Variants in CDK12 observed in about 807,000 individuals in gnomAD.
CDK12 encodes cyclin dependent kinase 12, also known as cyclin-dependent kinase 12.
A neutral mutation model predicts 133.8 loss-of-function variants in CDK12; 17 were observed. The ratio of observed to expected loss-of-function variants is 0.13; its 90% CI spans 0.09 to 0.19. The LOEUF (loss-of-function observed/expected upper bound fraction) is 0.19. CDK12 is among the 10% of genes least tolerant of loss of function. CDK12 has a pLI of 1.00. For synonymous variants in CDK12, 694 were observed against 683.6 expected (o/e 1.02, Z -0.24); for missense variants, 1,508 against 1,818.7 (o/e 0.83, Z 3.11).
chr17:39,530,400 C>T (rs1442665292), intron 13 of CDK12: 1 of 596,990 alleles, frequency 1.7e-6, no homozygotes, highest in Non-Finnish European at 2.7e-6. Flanking sequence ...TATTTTTACA[C>T]TAGCTGTTAG....
intron 3 of CDK12, among the ~76,000 whole-genome samples, chr17:39,491,524 C>T (rs1247844111): frequency 6.6e-6 from 1 of 152,124 alleles, no homozygotes; most frequent in African/African-American, 2.4e-5. Flanking sequence ...GCGTGAGCCA[C>T]CGCGTCCGGC....
Position 39,461,853 on chromosome 17 carries a change from G to A in CDK12, c.-219G>A. On this transcript the variant is annotated 5_prime_UTR_variant, in exon 1 of 14. Coordinates refer to ENST00000447079, the MANE Select transcript of CDK12 (RefSeq NM_016507.4). ...GTTGTCTCGCAACTCCACTGCCGAGGAACTCTCATTTCTTCCCTCGCTCCT... is the reference window on the plus strand; with the variant it reads ...GTTGTCTCGCAACTCCACTGCCGAGAAACTCTCATTTCTTCCCTCGCTCCT... 1 of 581,188 alleles carries A rather than the reference G, an allele frequency of 1.7e-6. No individual in the cohort carries two copies. The highest frequency in any genetic ancestry group is 3.1e-6 in the Non-Finnish European group (1 of 325,404). The allele number at this position is 581,188 out of a possible 1,614,324, so 36.0% of individuals were successfully genotyped here.
chr17:39,472,796 C>T (rs759091518), intron 2 of CDK12, among the ~76,000 whole-genome samples: 2 of 152,038 alleles, frequency 1.3e-5, no homozygotes, highest in Non-Finnish European at 2.9e-5. Flanking sequence ...ATGCTATCGG[C>T]CAGGCGCGGT....
At position 39,530,715 on chromosome 17, in the gene CDK12, A is replaced by G. The variant is rs746850929; in HGVS notation, c.3872A>G (p.Gln1291Arg). Residue 1291 changes from glutamine (Q) to arginine (R), a missense_variant, in exon 14 of 14, where the codon CAG (glutamine) becomes CGG (arginine). Transcript: ENST00000447079. ...LVEGDLSSAP[Q>R]ELNPAVTAAL... is the part of the protein sequence containing the mutation. ...GAAGGCGATCTTTCCAGCGCCCCCC[A>G]GGAGTTGAACCCAGCCGTGACAGCC... 1.1e-5 allele frequency: 17 copies of G among 1,508,450 alleles called. No individual in the cohort carries two copies. In the Admixed American group the frequency reaches 1.4e-4, roughly 13 times the overall value. The allele number at this position is 1,508,450 out of a possible 1,614,324, so 93.4% of individuals were successfully genotyped here.
At chr17:39,486,940 A>G (rs1183327027) in intron 2 of CDK12, among the ~76,000 whole-genome samples, 1 of 152,142 alleles carries the variant, frequency 6.6e-6, no homozygotes, top group Non-Finnish European at 1.5e-5. Context: ...CCCAGGAGGC[A>G]GAGGTTGCAG....
intron 10 of CDK12, among the ~76,000 whole-genome samples, chr17:39,518,343 T>A (rs2053942402): frequency 6.6e-6 from 1 of 151,328 alleles, no homozygotes; most frequent in African/African-American, 2.4e-5. Context: ...TTTTTTTTTT[T>A]CCGTGTAGAG....
At chr17:39,480,478 G>T (rs1286589855) in intron 2 of CDK12, among the ~76,000 whole-genome samples, 1 of 151,794 alleles carries the variant, frequency 6.6e-6, no homozygotes. Context: ...AGTTTTGCTA[G>T]TTGCCCAGGC....
intron 2 of CDK12, among the ~76,000 whole-genome samples, chr17:39,473,312 G>A (rs956551766): frequency 6.6e-6 from 1 of 152,092 alleles, no homozygotes; most frequent in African/African-American, 2.4e-5. Context: ...AGAATAATAT[G>A]TAAAGTATTT....
At position 39,492,852 on chromosome 17, in the gene CDK12, C is replaced by T. The variant is rs570432132; in HGVS notation, c.2210C>T (p.Thr737Ile). The T allele has an allele frequency of 6.2e-7, 1 of 1,613,246 alleles. No homozygotes were observed. The highest frequency in any genetic ancestry group is 8.5e-7 in the Non-Finnish European group (1 of 1,179,530). Residue 737 changes from threonine (T) to isoleucine (I), a missense_variant, in exon 4 of 14, where the codon ACC becomes ATC. This residue lies in a region of CDK12 where 74 missense variants were observed against 160.2 expected (regional missense o/e 0.46). Transcript: ENST00000447079. Reference protein sequence around the residue: ...FDIIGIIGEGTYGQVYKAKDK... With the variant: ...FDIIGIIGEGIYGQVYKAKDK... ...ATTATTGGGATTATTGGAGAAGGAACCTATGGCCAAGTATATAAAGCCAAG... is the reference window on the plus strand; with the variant it reads ...ATTATTGGGATTATTGGAGAAGGAATCTATGGCCAAGTATATAAAGCCAAG...
rs879840168 is a variant in CDK12 at position 39,476,711 on chromosome 17, C to CTTTTTTTTTTTTTTTTTTTTTTTTT, written c.1931+4953_1931+4977dup. Among the ~76,000 whole-genome samples the CTTTTTTTTTTTTTTTTTTTTTTTTT allele has an allele frequency of 2.4e-4, 20 of 84,524 alleles. 1 individual carries two copies. Among genetic ancestry groups the CTTTTTTTTTTTTTTTTTTTTTTTTT allele is most frequent in the Admixed American group, 4.9e-4 (3 of 6,120 alleles). The allele number at this position is 84,524 out of a possible 152,430, so 55.5% of individuals were successfully genotyped here. A position where few individuals can be genotyped will look rare whatever the true frequency, so the allele number is the denominator to read the frequency against. ...TACAGGCATGAGCCACCATGCCTGC[C>CTTTTTTTTTTTTTTTTTTTTTTTTT]TTTTTTTTTTTTTTTTTTTTTTTTT... On this transcript the variant is annotated intron_variant, in intron 2 of 13. Coordinates refer to ENST00000447079, the MANE Select transcript of CDK12 (RefSeq NM_016507.4).
chr17:39,494,422 T>C, intron 4 of CDK12, 102 bp from the exon 5 acceptor site: 1 of 915,154 alleles, frequency 1.1e-6, no homozygotes, highest in Non-Finnish European at 1.7e-6. Context: ...AGCATTAAAG[T>C]AAGCACTAAG....
At chr17:39,507,517 G>A (rs1043594022) in intron 6 of CDK12, among the ~76,000 whole-genome samples, 4 of 151,488 alleles carry the variant, frequency 2.6e-5, no homozygotes, top group African/African-American at 4.9e-5. Context: ...TAGCGCCATC[G>A]CACTCCAGCC....
chr17:39,472,707 G>A (rs2049885594), intron 2 of CDK12, among the ~76,000 whole-genome samples: 1 of 151,996 alleles, frequency 6.6e-6, no homozygotes, highest in Non-Finnish European at 1.5e-5. Flanking sequence ...TAATAATAAC[G>A]TTCTATATAA....
intron 2 of CDK12, among the ~76,000 whole-genome samples, chr17:39,553,271 C>T (rs189040232): frequency 3.7e-4 from 56 of 152,098 alleles, no homozygotes; most frequent in Admixed American, 1.3e-3. Context: ...ATCTTGACAC[C>T]TTGGAGTTTG....
intron 6 of CDK12, among the ~76,000 whole-genome samples, chr17:39,501,728 G>A (rs2052729953): frequency 6.6e-6 from 1 of 152,018 alleles, no homozygotes; most frequent in African/African-American, 2.4e-5. Context: ...ACAGGAATCT[G>A]GTTATGAACA....
chr17:39,511,345 G>A (rs990056388), intron 7 of CDK12, among the ~76,000 whole-genome samples, 184 bp from the exon 8 acceptor site: 1 of 151,966 alleles, frequency 6.6e-6, no homozygotes, highest in African/African-American at 2.4e-5. Context: ...ACCACGCCAG[G>A]CATGGAAGTT....
At chr17:39,558,904 A>G (rs2056264025) in intron 3 of CDK12, among the ~76,000 whole-genome samples, 1 of 152,214 alleles carries the variant, frequency 6.6e-6, no homozygotes, top group Non-Finnish European at 1.5e-5. Flanking sequence ...TTGGCCTCCC[A>G]AAGTGTTGGG....
intron 2 of CDK12, among the ~76,000 whole-genome samples, chr17:39,473,857 C>T (rs563522599): frequency 4.6e-5 from 7 of 151,750 alleles, no homozygotes; most frequent in South Asian, 2.1e-4. Flanking sequence ...TGCCCTCTAG[C>T]CTGGGCAACA....
chr17:39,520,541 C>G (rs746360782), intron 11 of CDK12, among the ~76,000 whole-genome samples: 6 of 152,006 alleles, frequency 3.9e-5, no homozygotes, highest in Non-Finnish European at 7.4e-5. Context: ...CAGACACACA[C>G]CACCACACCC....
Sources: allele counts gnomAD v4.1 joint callset (sites outside exome capture counted in the v4.1 genomes callset), GRCh38; gene constraint gnomAD v4.1.1; regional missense constraint gnomAD v4.1.1; transcripts MANE v1.5; gene names NCBI Gene and HGNC (gene_info 2026-07-23, HGNC 2026-07-21).